Variants in CNBD1 observed in about 807,000 individuals in gnomAD.
CNBD1 encodes cyclic nucleotide-binding domain-containing protein 1.
In CNBD1, 71 loss-of-function variants were observed where a neutral mutation model predicts 54.4. The ratio of observed to expected loss-of-function variants is 1.30; its 90% CI spans 1.08 to 1.59. The LOEUF (loss-of-function observed/expected upper bound fraction) is 1.59, where lower values mean the gene tolerates loss of function less well. Ranked by LOEUF, CNBD1 falls within the 40% of genes most tolerant of loss-of-function variation. The probability of loss-of-function intolerance (pLI) is 0.00; values close to 1 mark genes in which losing one functional copy is unlikely to be tolerated. For synonymous variants in CNBD1, 182 were observed against 170.7 expected (o/e 1.07, Z -0.51); for missense variants, 659 against 518.0 (o/e 1.27, Z -2.64).
intron 4 of CNBD1, among the ~76,000 whole-genome samples, chr8:87,068,545 G>T (rs1810700777): frequency 6.6e-6 from 1 of 151,976 alleles, no homozygotes; most frequent in Admixed American, 6.6e-5. Context: ...TTTGAGCCTG[G>T]ACGTGTCTTG....
intron 4 of CNBD1, among the ~76,000 whole-genome samples, chr8:87,029,862 T>C (rs1220428186): frequency 6.6e-6 from 1 of 151,126 alleles, no homozygotes; most frequent in Non-Finnish European, 1.5e-5. Context: ...TGTATTTTTA[T>C]TTTGAGGGTA....
intron 4 of CNBD1, among the ~76,000 whole-genome samples, chr8:87,156,991 C>A (rs1812755887): frequency 6.6e-6 from 1 of 152,112 alleles, no homozygotes; most frequent in African/African-American, 2.4e-5. Flanking sequence ...ATCAAAACTT[C>A]TAAGGCACAG....
At chr8:87,226,276 C>T (rs1814488388) in intron 5 of CNBD1, among the ~76,000 whole-genome samples, 1 of 151,054 alleles carries the variant, frequency 6.6e-6, no homozygotes, top group Admixed American at 6.6e-5. Flanking sequence ...TTCTTGCCTT[C>T]TGCTAGCTTT....
chr8:87,336,949 C>T lies in CNBD1; in HGVS notation c.1043-14736C>T, dbSNP rs754624471. On this transcript the variant is annotated intron_variant, in intron 8 of 10. Transcript: ENST00000518476. ...TTTGTTTTTCTTTCAATAGTCAGGC[C>T]CCTCTTCTGTAGGGCTGCTGCGGTT... 1.1e-4 allele frequency among the ~76,000 whole-genome samples: 17 copies of T among 151,984 alleles called. 1 individual carries two copies. Among genetic ancestry groups the T allele is most frequent in the Non-Finnish European group, 1.6e-4 (11 of 68,020 alleles).
At chr8:87,359,001 A>T (rs67620422) in intron 10 of CNBD1, among the ~76,000 whole-genome samples, 1 of 152,044 alleles carries the variant, frequency 6.6e-6, no homozygotes, top group African/African-American at 2.4e-5. Flanking sequence ...TACTGATTCA[A>T]ATGCTAATCT....
chr8:87,055,043 C>T (rs896945619), intron 4 of CNBD1, among the ~76,000 whole-genome samples: 18 of 152,116 alleles, frequency 1.2e-4, no homozygotes, highest in Non-Finnish European at 1.6e-4. Flanking sequence ...CTCACTCTTT[C>T]GATGGATCCC....
chr8:87,415,552 T>C (rs1401006672), intron 2 of CNBD1, among the ~76,000 whole-genome samples: 1 of 152,046 alleles, frequency 6.6e-6, no homozygotes, highest in East Asian at 1.9e-4. Flanking sequence ...TTTACTCTTC[T>C]CAGTGTTGAA....
chr8:87,301,254 G>A (rs1808983470), intron 8 of CNBD1, among the ~76,000 whole-genome samples: 1 of 152,064 alleles, frequency 6.6e-6, no homozygotes, highest in Admixed American at 6.6e-5. Flanking sequence ...ATTCACAGCA[G>A]AATTCTACCA....
chr8:87,220,603 CCT>C (rs1239826936), intron 5 of CNBD1, among the ~76,000 whole-genome samples: 3 of 150,296 alleles, frequency 2.0e-5, no homozygotes, highest in Non-Finnish European at 3.0e-5. Context: ...GGTTTTTAGA[CCT>C]TACCTCAGCT....
At chr8:87,354,091 C>T (rs1355319358) in intron 10 of CNBD1, among the ~76,000 whole-genome samples, 4 of 152,086 alleles carry the variant, frequency 2.6e-5, no homozygotes, top group African/African-American at 9.7e-5. Context: ...TCCAGGACCA[C>T]CCTGAACTGA....
intron 8 of CNBD1, among the ~76,000 whole-genome samples, chr8:87,316,065 C>G (rs1189891236): frequency 6.6e-6 from 1 of 151,696 alleles, no homozygotes; most frequent in African/African-American, 2.4e-5. Context: ...GAGTAATATA[C>G]TTGATCTTAG....
At chr8:87,418,063 C>T (rs1807865064) in intron 2 of CNBD1, among the ~76,000 whole-genome samples, 1 of 151,704 alleles carries the variant, frequency 6.6e-6, no homozygotes, top group Admixed American at 6.6e-5. Flanking sequence ...ATCTTAAAAT[C>T]AATATGAAAA....
At chr8:87,138,165 G>C (rs750555386) in intron 4 of CNBD1, among the ~76,000 whole-genome samples, 9 of 152,102 alleles carry the variant, frequency 5.9e-5, no homozygotes, top group Non-Finnish European at 5.9e-5. Context: ...AACACAGAGG[G>C]ATAATTTTTG....
chr8:87,403,130 A>C (rs1453965671), intron 2 of CNBD1, among the ~76,000 whole-genome samples: 1 of 30,774 alleles, frequency 3.2e-5, no homozygotes, highest in Non-Finnish European at 6.2e-5. Context: ...CATAGAAAAT[A>C]AAAAAAAAAT....
Position 86,996,854 on chromosome 8 carries a change from A to G in CNBD1, c.431+57100A>G, listed in dbSNP as rs372733678. ...AGTTCTGGAAGCTGGGAAGTCCAAG[A>G]CTAAAGCACTGGCAGATTTGGTGTC... On this transcript the variant is annotated intron_variant, in intron 4 of 10. Transcript: ENST00000518476. 2.6e-5 allele frequency among the ~76,000 whole-genome samples: 4 copies of G among 152,332 alleles called. No homozygotes were observed. The South Asian group carries it at 6.2e-4, about 24-fold the overall frequency.
intron 4 of CNBD1, among the ~76,000 whole-genome samples, chr8:86,974,708 A>G (rs1028114601): frequency 2.6e-5 from 4 of 152,026 alleles, no homozygotes; most frequent in African/African-American, 9.6e-5. Flanking sequence ...AAAATAAGTA[A>G]TACCAAATAT....
intron 4 of CNBD1, among the ~76,000 whole-genome samples, chr8:87,105,660 CAA>C (rs970162458): frequency 6.6e-6 from 1 of 152,060 alleles, no homozygotes; most frequent in Non-Finnish European, 1.5e-5. Flanking sequence ...TCCCACCTGA[CAA>C]AGAGTATAGC....
At chr8:86,986,333 G>A (rs555105073) in intron 4 of CNBD1, among the ~76,000 whole-genome samples, 147 of 152,212 alleles carry the variant, frequency 9.7e-4, no homozygotes, top group African/African-American at 3.3e-3. Flanking sequence ...ATCTGTTCAT[G>A]TTCTCTGCCC....
chr8:87,315,011 C>G (rs937450094), intron 8 of CNBD1, among the ~76,000 whole-genome samples: 1 of 151,954 alleles, frequency 6.6e-6, no homozygotes, highest in Non-Finnish European at 1.5e-5. Context: ...TATATTGATT[C>G]TAATGTCTAC....
Sources: gnomAD v4.1 joint callset for allele counts (sites outside exome capture counted in the v4.1 genomes callset) on GRCh38, gnomAD v4.1.1 for gene constraint, MANE v1.5 for transcripts, NCBI Gene and HGNC (gene_info 2026-07-23, HGNC 2026-07-21) for gene names.